The following GMDS variants were observed in gnomAD, a reference collection of about 807,000 sequenced individuals.
GMDS encodes GDP-mannose 4,6 dehydratase.
In GMDS, 20 loss-of-function variants were observed where a neutral mutation model predicts 49.9. The observed-to-expected ratio is 0.40, with a 90% CI of 0.28 to 0.58. The LOEUF (loss-of-function observed/expected upper bound fraction) is 0.58. Among genes scored for constraint, GMDS ranks in the 20% least tolerant of loss-of-function variants. The pLI, the probability that GMDS is intolerant of heterozygous loss-of-function variation, is 0.42. For synonymous variants in GMDS, 177 were observed against 178.6 expected, an observed-to-expected ratio of 0.99 and a Z score of 0.07; for missense variants, 362 against 481.4, an observed-to-expected ratio of 0.75 and a Z score of 2.32.
chr6:1,767,767 C>T (rs1768415090), intron 7 of GMDS, among the ~76,000 whole-genome samples: 1 of 152,196 alleles, frequency 6.6e-6, no homozygotes, highest in Non-Finnish European at 1.5e-5. Flanking sequence ...CCTGTGACAT[C>T]CCCGGAGGGC....
intron 4 of GMDS, among the ~76,000 whole-genome samples, chr6:2,010,264 T>G (rs1216742338): frequency 1.3e-5 from 2 of 148,368 alleles, no homozygotes; most frequent in African/African-American, 5.0e-5. Context: ...GAGGCAGAGG[T>G]TGCAGGGAGC....
In GMDS at chr6:1,756,699, C is replaced by T. The variant is rs184933566; in HGVS notation, c.772-14113G>A. Among the ~76,000 whole-genome samples, 5 of 152,330 alleles carry T rather than the reference C, an allele frequency of 3.3e-5. No individual in the cohort carries two copies. In the East Asian group the frequency reaches 9.7e-4, roughly 29 times the overall value. ...ACTGGGGCAGTGGGGCCAAGATGGC[C>T]TCCCTCACAGGTCTGGTGCTGGGTG... On this transcript the variant is annotated intron_variant, in intron 7 of 10. Transcript: ENST00000380815.
At chr6:1,657,853 C>A (rs1292194962) in intron 9 of GMDS, among the ~76,000 whole-genome samples, 22 of 63,272 alleles carry the variant, frequency 3.5e-4, no homozygotes, top group East Asian at 4.6e-4. Context: ...AGAACTCAAG[C>A]AAAAAAAAAA....
At position 2,210,782 on chromosome 6, in the gene GMDS, C is replaced by T. The variant is rs1438945722; in HGVS notation, c.102+34539G>A. 5.9e-5 allele frequency among the ~76,000 whole-genome samples: 9 copies of T among 152,192 alleles called. No individual in the cohort carries two copies. The East Asian group carries it at 1.5e-3, about 26-fold the overall frequency. On this transcript the variant is annotated intron_variant, in intron 1 of 10. Coordinates refer to ENST00000380815, the MANE Select transcript of GMDS (RefSeq NM_001500.4). ...CACCACATGTAGTTCATCCCTTTCA[C>T]GGCACTTAGTGACTAACATGGTTTG...
chr6:1,936,311 G>A (rs1050217617), intron 6 of GMDS, among the ~76,000 whole-genome samples: 1 of 152,152 alleles, frequency 6.6e-6, no homozygotes, highest in Non-Finnish European at 1.5e-5. Context: ...TAAGGCAGTC[G>A]CTGAAATGGT....
At chr6:1,768,848 C>A (rs1768464444) in intron 7 of GMDS, among the ~76,000 whole-genome samples, 1 of 152,218 alleles carries the variant, frequency 6.6e-6, no homozygotes, top group African/African-American at 2.4e-5. Context: ...ACTGGCACTT[C>A]ACAACTCCTA....
At chr6:1,939,541 A>G (rs1229209040) in intron 6 of GMDS, among the ~76,000 whole-genome samples, 1 of 140,380 alleles carries the variant, frequency 7.1e-6, no homozygotes, top group Non-Finnish European at 1.6e-5. Context: ...ATATACACAT[A>G]TATACATATA....
chr6:2,142,453 G>A (rs994846548), intron 1 of GMDS, among the ~76,000 whole-genome samples: 5 of 152,150 alleles, frequency 3.3e-5, no homozygotes, highest in African/African-American at 1.2e-4. Flanking sequence ...CTGGACACAG[G>A]CAACACCCAG....
intron 9 of GMDS, among the ~76,000 whole-genome samples, chr6:1,695,968 T>G (rs921651823): frequency 6.8e-6 from 1 of 148,132 alleles, no homozygotes; most frequent in Admixed American, 6.8e-5. Flanking sequence ...AAAACAATGC[T>G]GGAGGAGAGT....
At chr6:1,937,456 C>T (rs980005826) in intron 6 of GMDS, among the ~76,000 whole-genome samples, 7 of 152,232 alleles carry the variant, frequency 4.6e-5, no homozygotes, top group African/African-American at 1.7e-4. Context: ...AACTCCCACA[C>T]ACTGGGTGGC....
chr6:1,663,857 C>T (rs1000949866), intron 9 of GMDS, among the ~76,000 whole-genome samples: 1 of 152,134 alleles, frequency 6.6e-6, no homozygotes. Context: ...AGATCTCCTC[C>T]TGACATGTTA....
chr6:1,723,299 A>ATTT lies in GMDS; in HGVS notation c.987+3114_987+3116dup, dbSNP rs377588647. ...AGTGTTCTGAGACCTGATGTGTCCT[A>ATTT]TTTTTTTTTTTTCAAATTTTCTTTA... On this transcript the variant is annotated intron_variant, in intron 9 of 10. Coordinates refer to ENST00000380815, the MANE Select transcript of GMDS (RefSeq NM_001500.4). Among the ~76,000 whole-genome samples the ATTT allele has an allele frequency of 1.0e-3, 136 of 133,750 alleles. 1 individual carries two copies. The highest frequency in any genetic ancestry group is 5.8e-3 in the South Asian group (26 of 4,482). The allele number at this position is 133,750 out of a possible 152,430, so 87.7% of individuals were successfully genotyped here.
chr6:1,650,961 A>G (rs1383796846), intron 9 of GMDS, among the ~76,000 whole-genome samples: 2 of 152,236 alleles, frequency 1.3e-5, no homozygotes, highest in African/African-American at 4.8e-5. Context: ...AAAGCAAATG[A>G]GTAGATGAAT....
At chr6:1,801,191 G>A (rs1487114795) in intron 7 of GMDS, among the ~76,000 whole-genome samples, 1 of 152,204 alleles carries the variant, frequency 6.6e-6, no homozygotes, top group Non-Finnish European at 1.5e-5. Flanking sequence ...CAGGAACAGA[G>A]AAATATTCTG....
chr6:2,063,723 C>T (rs1308542388), intron 4 of GMDS, among the ~76,000 whole-genome samples: 1 of 152,128 alleles, frequency 6.6e-6, no homozygotes, highest in Non-Finnish European at 1.5e-5. Flanking sequence ...ACAAAGCATT[C>T]GTGGAGCCCA....
chr6:1,812,449 G>A (rs1770472145), intron 7 of GMDS, among the ~76,000 whole-genome samples: 1 of 151,996 alleles, frequency 6.6e-6, no homozygotes, highest in Admixed American at 6.6e-5. Context: ...GTTGGCAGCT[G>A]TAGAATCTTC....
chr6:1,661,107 C>T (rs990712908), intron 9 of GMDS, among the ~76,000 whole-genome samples: 1 of 152,250 alleles, frequency 6.6e-6, no homozygotes, highest in African/African-American at 2.4e-5. Flanking sequence ...CCATTTGCAG[C>T]AAATACCATG....
At chr6:2,128,237 C>T (rs923271772) in intron 1 of GMDS, among the ~76,000 whole-genome samples, 2 of 150,656 alleles carry the variant, frequency 1.3e-5, no homozygotes, top group African/African-American at 4.9e-5. Flanking sequence ...TGCGATAGTG[C>T]AATCTCGGCT....
chr6:1,967,069 G>C (rs1033540826), intron 4 of GMDS, among the ~76,000 whole-genome samples: 1 of 152,104 alleles, frequency 6.6e-6, no homozygotes. Context: ...GCGTCAGCTG[G>C]TCCTGCCTGG....
Sources: gnomAD v4.1 joint callset for allele counts (sites outside exome capture counted in the v4.1 genomes callset) on GRCh38, gnomAD v4.1.1 for gene constraint, MANE v1.5 for transcripts, NCBI Gene and HGNC (gene_info 2026-07-23, HGNC 2026-07-21) for gene names.